SEZ6: variants seen among roughly 807,000 people sequenced by gnomAD.
SEZ6 encodes seizure protein 6 homolog.
In SEZ6, 53 loss-of-function variants were observed where a neutral mutation model predicts 101.0. The ratio of observed to expected loss-of-function variants is 0.52; its 90% confidence interval spans 0.42 to 0.66. The LOEUF is 0.66. Among genes scored for constraint, SEZ6 ranks in the 30% least tolerant of loss-of-function variants. SEZ6 has a pLI of 0.00. For missense variants in SEZ6, 1,102 were observed against 1,289.4 expected (o/e 0.85, Z 2.23); for synonymous variants, 488 against 512.2 (o/e 0.95, Z 0.64).
chr17:28,973,118 A>G (rs893380127), intron 3 of SEZ6, among the ~76,000 whole-genome samples: 2 of 152,130 alleles, frequency 1.3e-5, no homozygotes, highest in African/African-American at 4.8e-5. Flanking sequence ...CAAGCCTTGT[A>G]TTGTACTAAG....
intron 4 of SEZ6, among the ~76,000 whole-genome samples, chr17:28,968,977 G>C (rs1214172527): frequency 1.3e-5 from 2 of 152,184 alleles, no homozygotes; most frequent in Non-Finnish European, 1.5e-5. Context: ...TGTAATACTG[G>C]TTTCCTTAAT....
rs1351107073 is a variant in SEZ6, at chr17:29,005,492, T to C, written c.55+323A>G. 6.6e-6 allele frequency among the ~76,000 whole-genome samples: 1 copy of C among 151,882 alleles called. No homozygotes were observed. The highest frequency in any genetic ancestry group is 1.5e-5 in the Non-Finnish European group (1 of 67,946). On this transcript the variant is annotated intron_variant, in intron 1 of 16. Transcript: ENST00000317338. The surrounding 1 kb of genome is among the most constrained non-coding windows in gnomAD (Gnocchi z 4.8). ...CCCCAGCACCCTGAGATGCCTAGAG[T>C]GTGGCGAGGTAGCGCGCGGGTGAGC...
At position 28,957,452 on chromosome 17, in the gene SEZ6, T is replaced by C. The variant is rs775469860; in HGVS notation, c.2390A>G (p.Tyr797Cys). 3 of 1,613,728 alleles carry C rather than the reference T, an allele frequency of 1.9e-6. No individual in the cohort carries two copies. The highest frequency in any genetic ancestry group is 2.5e-6 in the Non-Finnish European group (3 of 1,179,692). ...CAGCACAAAACCCTGGTCACAGATA[T>C]ATTGCACGGTGGCCCCCACGGGAAA... ...PKFPVGATVQ[Y>C]ICDQGFVLMG... The change falls in exon 12 of 17, where the codon TAT becomes TGT. Residue 797 changes from tyrosine (Y) to cysteine (C), a missense_variant. Around this residue, in one of 3 missense-constraint regions of SEZ6, gnomAD observed 556 missense variants for 735.1 expected, o/e 0.76. Coordinates refer to ENST00000317338, the MANE Select transcript of SEZ6 (RefSeq NM_178860.5).
intron 5 of SEZ6, among the ~76,000 whole-genome samples, chr17:28,962,733 A>G (rs539137832): frequency 2.9e-4 from 43 of 150,268 alleles, no homozygotes; most frequent in Non-Finnish European, 5.2e-4. Context: ...GTGAGCGGAC[A>G]TCGTGCCACT....
rs2040947939 is a variant in SEZ6 at position 28,959,834 on chromosome 17, G to A, written c.1635C>T (p.Ser545=). 3.7e-6 allele frequency: 6 copies of A among 1,613,574 alleles called. No homozygotes were observed. Among genetic ancestry groups the A allele is most frequent in the South Asian group, 2.2e-5 (2 of 91,006 alleles). ...TGGTACCCACAGGGTAGGTGGGTGT[G>A]CTGCTGCTGAAGTTACCGTATTTGA... is the stretch of plus-strand genomic sequence containing the variant. ...PFVKYGNFSS[S]TPTYPVGTTV... The change falls in exon 8 of 17, where the codon AGC becomes AGT. Residue 545 remains serine (S), a synonymous_variant. Transcript: ENST00000317338. This position sits in a 1 kb window ranked among gnomAD's most constrained non-coding sequence, Gnocchi z 4.4.
At chr17:28,996,698 G>T (rs934188166) in intron 1 of SEZ6, among the ~76,000 whole-genome samples, 1 of 152,122 alleles carries the variant, frequency 6.6e-6, no homozygotes, top group African/African-American at 2.4e-5. Flanking sequence ...TCAAGGACAG[G>T]TGAACGAGCC....
Position 28,963,542 on chromosome 17 carries a change from G to A in SEZ6, c.1240+420C>T, listed in dbSNP as rs147381002. 3.2e-4 allele frequency among the ~76,000 whole-genome samples: 48 copies of A among 152,236 alleles called. No homozygotes were observed. In the East Asian group the frequency reaches 7.9e-3, roughly 25 times the overall value. On this transcript the variant is annotated intron_variant, in intron 5 of 16. Transcript: ENST00000317338. ...TGCCTGCCTCTATGTCCCTGCCCAC[G>A]TTGTTCTCTCCATTTAAATGTCAAA...
chr17:28,978,035 G>A (rs1345491701), intron 3 of SEZ6, among the ~76,000 whole-genome samples: 1 of 152,182 alleles, frequency 6.6e-6, no homozygotes, highest in Non-Finnish European at 1.5e-5. Context: ...CCCTGACAGG[G>A]TCTGATTCAG....
chr17:28,958,966 C>G (rs909107731), intron 10 of SEZ6, 59 bp downstream of exon 10: 3 of 1,541,138 alleles, frequency 1.9e-6, no homozygotes, highest in East Asian at 4.5e-5. Context: ...ACTGCCCTAG[C>G]CTCTTTGGCT....
At chr17:28,990,275 T>C (rs1396111394) in intron 1 of SEZ6, among the ~76,000 whole-genome samples, 2 of 152,146 alleles carry the variant, frequency 1.3e-5, no homozygotes, top group Admixed American at 6.5e-5. Context: ...TTTCGGACTT[T>C]TGCATTTCTT....
chr17:28,989,455 T>C (rs182456507), intron 1 of SEZ6, among the ~76,000 whole-genome samples: 8 of 152,346 alleles, frequency 5.3e-5, no homozygotes, highest in Admixed American at 5.2e-4. Context: ...GATTCAAACC[T>C]GGGTTGTCTA....
intron 3 of SEZ6, among the ~76,000 whole-genome samples, chr17:28,972,007 C>T (rs569339280): frequency 3.9e-5 from 6 of 152,384 alleles, no homozygotes. Flanking sequence ...CTCTGCGGCC[C>T]TCATTAACGT....
chr17:28,986,669 C>T (rs978191744), intron 1 of SEZ6, among the ~76,000 whole-genome samples: 2 of 152,246 alleles, frequency 1.3e-5, no homozygotes, highest in Non-Finnish European at 2.9e-5. Flanking sequence ...TGGCTTGCCC[C>T]TTCAGCGCTG....
At position 29,005,561 on chromosome 17, in the gene SEZ6, A is replaced by G. The variant is rs1173228572; in HGVS notation, c.55+254T>C. Among the ~76,000 whole-genome samples the G allele has an allele frequency of 6.6e-6, 1 of 152,018 alleles. No homozygotes were observed. The highest frequency in any genetic ancestry group is 1.5e-5 in the Non-Finnish European group (1 of 67,980). On this transcript the variant is annotated intron_variant, in intron 1 of 16. Transcript: ENST00000317338. The surrounding 1 kb of genome is among the most constrained non-coding windows in gnomAD (Gnocchi z 4.8). ...GGTGGCGTGATGAATTGCATCAGAGAAATCCCATTAGATCTGGGGAGATGA... is the reference window on the plus strand; with the variant it reads ...GGTGGCGTGATGAATTGCATCAGAGGAATCCCATTAGATCTGGGGAGATGA...
chr17:29,002,070 T>C (rs2041621817), intron 1 of SEZ6, among the ~76,000 whole-genome samples: 1 of 152,074 alleles, frequency 6.6e-6, no homozygotes. Flanking sequence ...ATAGGCCCTT[T>C]TCTGCACCCT....
chr17:28,982,120 C>T, intron 1 of SEZ6, 81 bp from the exon 2 acceptor site: 2 of 1,465,374 alleles, frequency 1.4e-6, no homozygotes, highest in Non-Finnish European at 1.8e-6. Context: ...GTGGGGGGGC[C>T]CGCTCTCTTT....
intron 1 of SEZ6, among the ~76,000 whole-genome samples, chr17:28,984,709 T>C (rs555506141): frequency 6.6e-6 from 1 of 152,252 alleles, no homozygotes; most frequent in African/African-American, 2.4e-5. Flanking sequence ...TAAGATAACC[T>C]CTGGGAGACA....
chr17:28,961,081 G>C, intron 5 of SEZ6, 108 bp from the exon 6 acceptor site: 1 of 1,373,480 alleles, frequency 7.3e-7, no homozygotes, highest in South Asian at 1.4e-5. Flanking sequence ...GAGCAGCGGG[G>C]ACCTTGCCTC....
chr17:28,982,112 G>T (rs78209823), intron 1 of SEZ6, 73 bp from the exon 2 acceptor site: 91 of 1,474,524 alleles, frequency 6.2e-5, no homozygotes, highest in Middle Eastern at 3.6e-4. Flanking sequence ...CTCGAGTAGT[G>T]GGGGGGCCCG....
Sources: allele counts gnomAD v4.1 joint callset (sites outside exome capture counted in the v4.1 genomes callset), GRCh38; gene constraint gnomAD v4.1.1; regional missense constraint gnomAD v4.1.1; non-coding constraint Gnocchi (gnomAD v3.1); transcripts MANE v1.5; gene names NCBI Gene and HGNC (gene_info 2026-07-23, HGNC 2026-07-21).